The following TMEM131L variants were observed in gnomAD, a reference collection of about 807,000 sequenced individuals.
The protein encoded by TMEM131L is transmembrane protein 131-like.
TMEM131L carries 54 observed loss-of-function variants against 192.2 expected under a neutral mutation model. The ratio of observed to expected loss-of-function variants is 0.28; its 90% confidence interval spans 0.23 to 0.35. The LOEUF (loss-of-function observed/expected upper bound fraction) is 0.35, where lower values mean the gene tolerates loss of function less well. Among genes scored for constraint, TMEM131L ranks in the 10% least tolerant of loss-of-function variants. The pLI, the probability that TMEM131L is intolerant of heterozygous loss-of-function variation, is 1.00. For missense variants in TMEM131L, 1,888 were observed against 1,972.9 expected, an observed-to-expected ratio of 0.96 and a Z score of 0.82; for synonymous variants, 701 against 704.9, an observed-to-expected ratio of 0.99 and a Z score of 0.09.
intron 7 of TMEM131L, among the ~76,000 whole-genome samples, chr4:153,569,041 CCCT>C (rs1188979327): frequency 3.9e-5 from 6 of 152,290 alleles, no homozygotes; most frequent in African/African-American, 1.4e-4. Flanking sequence ...CTCCAAGAGC[CCCT>C]GCCCTTCTCA....
chr4:153,599,998 G>A (rs923092927), intron 21 of TMEM131L, among the ~76,000 whole-genome samples: 7 of 152,042 alleles, frequency 4.6e-5, no homozygotes, highest in Non-Finnish European at 8.8e-5. Context: ...AGATCGTGCC[G>A]GTGTACTCCA....
In TMEM131L at chr4:153,604,393, C is replaced by G; in HGVS notation, c.3381C>G (p.His1127Gln). 6.2e-7 allele frequency: 1 copy of G among 1,603,504 alleles called. No homozygotes were observed. Among genetic ancestry groups the G allele is most frequent in the Admixed American group, 1.8e-5 (1 of 57,054 alleles). The change falls in exon 25 of 35, where the codon CAC (histidine) becomes CAG (glutamine). Residue 1127 changes from histidine (H) to glutamine (Q), a missense_variant. By Grantham distance (24) the His-to-Gln change is conservative. Coordinates refer to ENST00000409959, the MANE Select transcript of TMEM131L (RefSeq NM_001131007.2). ...TACCAAGAAACTCACCTCAGTACCA[C>G]CAGCCAGACTTGCCAGAAATTTCCA... is the stretch of plus-strand genomic sequence containing the variant. ...NHLPRNSPQY[H>Q]QPDLPEISRK...
intron 12 of TMEM131L, 21 bp downstream of exon 12, chr4:153,584,952 C>T (rs756644874): frequency 7.8e-6 from 12 of 1,540,692 alleles, no homozygotes; most frequent in Non-Finnish European, 1.1e-5. Flanking sequence ...TCCACTTTCC[C>T]TGAAATCTTG....
intron 25 of TMEM131L, among the ~76,000 whole-genome samples, chr4:153,609,061 G>T (rs947379754): frequency 3.9e-5 from 6 of 152,150 alleles, no homozygotes; most frequent in Admixed American, 1.3e-4. Flanking sequence ...ACTCAGTGAG[G>T]TCATGGGGAA....
At chr4:153,490,098 G>C (rs190485963) in intron 3 of TMEM131L, among the ~76,000 whole-genome samples, 1 of 152,016 alleles carries the variant, frequency 6.6e-6, no homozygotes, top group African/African-American at 2.4e-5. Flanking sequence ...CTCTTCCTGC[G>C]TCCGTGTATT....
chr4:153,628,792 A>G (rs978776317), intron 31 of TMEM131L, among the ~76,000 whole-genome samples: 1 of 152,232 alleles, frequency 6.6e-6, no homozygotes, highest in African/African-American at 2.4e-5. Context: ...TCTACCCTTC[A>G]GCATGTGCCG....
chr4:153,576,711 A>G (rs1729969602), intron 7 of TMEM131L, among the ~76,000 whole-genome samples: 1 of 152,120 alleles, frequency 6.6e-6, no homozygotes, highest in African/African-American at 2.4e-5. Flanking sequence ...GTGTACTTTA[A>G]AAGTGTGTTA....
intron 21 of TMEM131L, among the ~76,000 whole-genome samples, chr4:153,599,498 G>A (rs1459726120): frequency 6.6e-6 from 1 of 152,126 alleles, no homozygotes; most frequent in East Asian, 1.9e-4. Context: ...GAGCAACACA[G>A]CAAGACCCCT....
chr4:153,558,048 G>C (rs1728602186), intron 6 of TMEM131L, among the ~76,000 whole-genome samples: 1 of 152,222 alleles, frequency 6.6e-6, no homozygotes, highest in African/African-American at 2.4e-5. Flanking sequence ...TGGGATTACA[G>C]GCGTGAGCCA....
chr4:153,500,646 T>C (rs1355652906), intron 3 of TMEM131L, among the ~76,000 whole-genome samples: 1 of 152,242 alleles, frequency 6.6e-6, no homozygotes, highest in African/African-American at 2.4e-5. Flanking sequence ...TTCTTTTTAT[T>C]TTAATGGGAA....
chr4:153,474,025 G>GT (rs1731352075), intron 3 of TMEM131L, 137 bp downstream of exon 3: 1 of 553,322 alleles, frequency 1.8e-6, no homozygotes, highest in Non-Finnish European at 3.2e-6. Flanking sequence ...GGCATTTGTC[G>GT]TATCTATACC....
At chr4:153,467,340 GC>G in intron 2 of TMEM131L, 59 bp downstream of exon 2, 2 of 1,443,824 alleles carry the variant, frequency 1.4e-6, no homozygotes, top group South Asian at 1.2e-5. Flanking sequence ...AGGCGGGGAG[GC>G]CCCCGGTCCT....
At chr4:153,490,094 C>G (rs762502211) in intron 3 of TMEM131L, among the ~76,000 whole-genome samples, 2 of 152,088 alleles carry the variant, frequency 1.3e-5, no homozygotes, top group Non-Finnish European at 2.9e-5. Flanking sequence ...GAGTCTCTTC[C>G]TGCGTCCGTG....
At position 153,627,608 on chromosome 4, in the gene TMEM131L, C is replaced by T. The variant is rs369687917; in HGVS notation, c.4128C>T (p.Thr1376=). ...TCCTTTGCCCTCTTCCCCACAGGAC[C>T]GTGAATAGTCTCCCACAATACGCAG... ...NLSHNICNPM[T]VNSLPQYAEP... The change falls in exon 31 of 35, where the codon ACC becomes ACT. Residue 1376 remains threonine, a synonymous_variant. Transcript: ENST00000409959. 30 of 1,613,676 alleles carry T rather than the reference C, an allele frequency of 1.9e-5. No homozygotes were observed. The highest frequency in any genetic ancestry group is 6.7e-5 in the Admixed American group (4 of 60,018).
intron 7 of TMEM131L, among the ~76,000 whole-genome samples, chr4:153,564,760 T>G (rs984370908): frequency 2.0e-5 from 3 of 152,204 alleles, no homozygotes; most frequent in Non-Finnish European, 4.4e-5. Context: ...GCTGGTGATG[T>G]CATGTTACAC....
At chr4:153,543,215 G>A (rs1379496918) in intron 3 of TMEM131L, among the ~76,000 whole-genome samples, 1 of 152,156 alleles carries the variant, frequency 6.6e-6, no homozygotes, top group African/African-American at 2.4e-5. Flanking sequence ...AAAAATACTG[G>A]TTTCTGCCTC....
At chr4:153,632,915 G>C in intron 32 of TMEM131L, 77 bp downstream of exon 32, 1 of 1,546,934 alleles carries the variant, frequency 6.5e-7, no homozygotes. Flanking sequence ...AGTTTCTTAG[G>C]GTTTCCTTAC....
At chr4:153,606,682 A>G (rs1732262093) in intron 25 of TMEM131L, among the ~76,000 whole-genome samples, 1 of 152,220 alleles carries the variant, frequency 6.6e-6, no homozygotes, top group African/African-American at 2.4e-5. Flanking sequence ...TCCTTCCTGT[A>G]CAGATTACTA....
chr4:153,622,312 G>A (rs776493559), intron 28 of TMEM131L, among the ~76,000 whole-genome samples: 2 of 152,180 alleles, frequency 1.3e-5, no homozygotes, highest in African/African-American at 2.4e-5. Flanking sequence ...GATAGTGGGG[G>A]CTAGGGCAGT....
Sources: allele counts gnomAD v4.1 joint callset (sites outside exome capture counted in the v4.1 genomes callset), GRCh38; gene constraint gnomAD v4.1.1; transcripts MANE v1.5; gene names NCBI Gene and HGNC (gene_info 2026-07-23, HGNC 2026-07-21).